Variants in GPR158 observed in about 807,000 individuals in gnomAD.
GPR158 encodes metabotropic glycine receptor.
In GPR158, 30 loss-of-function variants were observed where a neutral mutation model predicts 78.2. The observed-to-expected ratio is 0.38, with a 90% confidence interval of 0.29 to 0.52. GPR158 has a LOEUF of 0.52. Among genes scored for constraint, GPR158 ranks in the 20% least tolerant of loss-of-function variants. The pLI is 0.83. For synonymous variants in GPR158, 581 were observed against 591.1 expected, an observed-to-expected ratio of 0.98 and a Z score of 0.25; for missense variants, 1,463 against 1,523.5, an observed-to-expected ratio of 0.96 and a Z score of 0.66.
At chr10:25,235,504 T>C (rs1853508490) in intron 2 of GPR158, among the ~76,000 whole-genome samples, 1 of 151,826 alleles carries the variant, frequency 6.6e-6, no homozygotes, top group Non-Finnish European at 1.5e-5. Context: ...ATACTATCTG[T>C]TTTCAGTTTT....
intron 8 of GPR158, among the ~76,000 whole-genome samples, chr10:25,590,044 C>G (rs1459417367): frequency 6.6e-6 from 1 of 151,950 alleles, no homozygotes; most frequent in African/African-American, 2.4e-5. Flanking sequence ...TTTTGGCCTT[C>G]AGACTCTCCT....
chr10:25,466,997 C>T (rs1358625116), intron 5 of GPR158, among the ~76,000 whole-genome samples: 2 of 152,182 alleles, frequency 1.3e-5, no homozygotes, highest in African/African-American at 2.4e-5. Flanking sequence ...ACCATGGCCC[C>T]TGACACAGCC....
At chr10:25,306,269 C>T (rs1462063797) in intron 2 of GPR158, among the ~76,000 whole-genome samples, 2 of 152,134 alleles carry the variant, frequency 1.3e-5, no homozygotes, top group Non-Finnish European at 2.9e-5. Context: ...TTAGATCATC[C>T]ATAATTTGCC....
intron 5 of GPR158, among the ~76,000 whole-genome samples, chr10:25,479,675 ATAGTGC>A (rs1350174509): frequency 1.3e-5 from 2 of 152,096 alleles, no homozygotes; most frequent in Non-Finnish European, 2.9e-5. Context: ...TTGGCCTCTC[ATAGTGC>A]TGGGATTACA....
intron 2 of GPR158, among the ~76,000 whole-genome samples, chr10:25,311,518 G>A (rs889138354): frequency 6.6e-6 from 1 of 151,752 alleles, no homozygotes; most frequent in African/African-American, 2.4e-5. Flanking sequence ...GTTGAGTCTG[G>A]GTTTTGATAG....
intron 2 of GPR158, among the ~76,000 whole-genome samples, chr10:25,261,717 ACT>A (rs1853971125): frequency 6.6e-6 from 1 of 152,188 alleles, no homozygotes; most frequent in Admixed American, 6.5e-5. Flanking sequence ...TCAGAGAAGC[ACT>A]CTGTTTTATT....
intron 1 of GPR158, among the ~76,000 whole-genome samples, chr10:25,181,683 A>G (rs1381126301): frequency 6.6e-6 from 1 of 152,200 alleles, no homozygotes; most frequent in African/African-American, 2.4e-5. Context: ...CTAAAGGTCC[A>G]TGATTATGCA....
intron 5 of GPR158, among the ~76,000 whole-genome samples, chr10:25,505,462 T>C (rs1356517156): frequency 6.6e-6 from 1 of 152,224 alleles, no homozygotes; most frequent in East Asian, 1.9e-4. Context: ...CAAGTCCCTA[T>C]GGTTTCTCTC....
At chr10:25,312,204 C>G (rs1422685895) in intron 2 of GPR158, among the ~76,000 whole-genome samples, 1 of 151,922 alleles carries the variant, frequency 6.6e-6, no homozygotes, top group Admixed American at 6.6e-5. Flanking sequence ...GACCATGTTA[C>G]TTAAAAGCCA....
rs1038501617 is a variant in GPR158, at chr10:25,398,672, G to A, written c.1111+2659G>A. Among the ~76,000 whole-genome samples, 5 of 151,788 alleles carry A rather than the reference G, an allele frequency of 3.3e-5. 1 individual carries two copies. The South Asian group carries it at 8.3e-4, about 25-fold the overall frequency. The stretch of plus-strand genomic sequence containing the variant: ...TTTTAAAAGCCAGTGTTTTCTTACT[G>A]GACCTACACTCTAAGAAAAGGCTGC... On this transcript the variant is annotated intron_variant, in intron 3 of 10. Coordinates refer to ENST00000376351, the MANE Select transcript of GPR158 (RefSeq NM_020752.3).
chr10:25,205,055 C>T (rs917195478), intron 1 of GPR158, among the ~76,000 whole-genome samples: 2 of 152,096 alleles, frequency 1.3e-5, no homozygotes, highest in African/African-American at 4.8e-5. Flanking sequence ...ACCCCTTTCA[C>T]TTAGTTCTCA....
chr10:25,587,001 C>T (rs1171240972), intron 7 of GPR158, among the ~76,000 whole-genome samples: 2 of 152,138 alleles, frequency 1.3e-5, no homozygotes, highest in South Asian at 2.1e-4. Context: ...GTCTCAATTC[C>T]GTCTTGCTGA....
intron 2 of GPR158, among the ~76,000 whole-genome samples, chr10:25,246,433 A>C (rs1421746549): frequency 6.6e-6 from 1 of 152,204 alleles, no homozygotes; most frequent in African/African-American, 2.4e-5. Context: ...TTTAATTTTG[A>C]AAATGATTTT....
rs918237527 is a variant in GPR158, at chr10:25,459,140, T to C, written c.1336-7511T>C. ...TCTCTTTAGGATCACCTTTTACATC[T>C]TTTTTTCCAATCCATATTGTGTAAT... On this transcript the variant is annotated intron_variant, in intron 4 of 10. Coordinates refer to ENST00000376351, the MANE Select transcript of GPR158 (RefSeq NM_020752.3). Among the ~76,000 whole-genome samples, 5 of 152,102 alleles carry C rather than the reference T, an allele frequency of 3.3e-5. No homozygotes were observed. In the East Asian group the frequency reaches 7.7e-4, roughly 23 times the overall value.
intron 1 of GPR158, among the ~76,000 whole-genome samples, chr10:25,201,663 C>T (rs1852931437): frequency 6.6e-6 from 1 of 151,974 alleles, no homozygotes; most frequent in Non-Finnish European, 1.5e-5. Context: ...CCTTCAATGC[C>T]TAGTTTGTTG....
At chr10:25,252,857 T>G (rs879504229) in intron 2 of GPR158, among the ~76,000 whole-genome samples, 1 of 148,218 alleles carries the variant, frequency 6.7e-6, no homozygotes, top group Non-Finnish European at 1.5e-5. Context: ...TCGAGCTTCC[T>G]GGCTGCTTTG....
At chr10:25,188,572 C>G (rs573750798) in intron 1 of GPR158, among the ~76,000 whole-genome samples, 1 of 152,168 alleles carries the variant, frequency 6.6e-6, no homozygotes, top group African/African-American at 2.4e-5. Flanking sequence ...GGAAAACTGG[C>G]TAGCCATACA....
intron 2 of GPR158, among the ~76,000 whole-genome samples, chr10:25,251,414 G>A (rs1422700387): frequency 6.6e-6 from 1 of 151,782 alleles, no homozygotes; most frequent in African/African-American, 2.4e-5. Context: ...AGTCTCGATG[G>A]TCTTTACATT....
At chr10:25,371,437 G>T (rs1833991157) in intron 2 of GPR158, among the ~76,000 whole-genome samples, 1 of 151,798 alleles carries the variant, frequency 6.6e-6, no homozygotes, top group Non-Finnish European at 1.5e-5. Flanking sequence ...GAGGCATCAT[G>T]CTACCTGACT....
Sources: allele counts gnomAD v4.1 joint callset (sites outside exome capture counted in the v4.1 genomes callset), GRCh38; gene constraint gnomAD v4.1.1; transcripts MANE v1.5; gene names NCBI Gene and HGNC (gene_info 2026-07-23, HGNC 2026-07-21).